Variants in USP29 observed in about 807,000 individuals in gnomAD.
USP29 encodes ubiquitin specific peptidase 29.
For synonymous variants in USP29, 386 were observed against 387.4 expected (o/e 1.00, Z 0.04); for missense variants, 1,102 against 1,069.0 (o/e 1.03, Z -0.43).
rs1287385788 is a variant in USP29 at position 57,128,923 on chromosome 19, T to G, written c.248T>G (p.Phe83Cys). Residue 83 changes from phenylalanine to cysteine, a missense_variant, in exon 4 of 4, where the codon TTT becomes TGT. By Grantham distance (205) the Phe-to-Cys change is radical (BLOSUM62 -2). Coordinates refer to ENST00000254181, the MANE Select transcript of USP29 (RefSeq NM_020903.3). ...RLTLKNNVFLFIDKLSYRDAK... is the reference protein window; with the variant it reads ...RLTLKNNVFLCIDKLSYRDAK... ...ACTTTGAAAAACAACGTGTTCTTGT[T>G]TATTGACAAATTATCCTACAGAGAT... The G allele has an allele frequency of 5.0e-6, 8 of 1,613,796 alleles. No individual in the cohort carries two copies. Among genetic ancestry groups the G allele is most frequent in the African/African-American group, 1.3e-5 (1 of 74,928 alleles).
At chr19:57,126,015 C>T (rs1276730242) in intron 3 of USP29, among the ~76,000 whole-genome samples, 1 of 152,058 alleles carries the variant, frequency 6.6e-6, no homozygotes, top group Non-Finnish European at 1.5e-5. Flanking sequence ...TTTTTCTTCG[C>T]TTATGAAGCT....
At chr19:57,122,924 G>A (rs1463117953) in intron 2 of USP29, among the ~76,000 whole-genome samples, 6 of 152,140 alleles carry the variant, frequency 3.9e-5, no homozygotes. Flanking sequence ...GCAACAGGAT[G>A]AAATGGAGGG....
upstream of USP29, among the ~76,000 whole-genome samples, chr19:57,119,750 C>T (rs974860076): frequency 3.5e-4 from 54 of 152,186 alleles, no homozygotes; most frequent in African/African-American, 1.2e-3. Context: ...CAATTCCCGG[C>T]GTGGTTTCTA....
rs1477254187 is a variant in USP29, at chr19:57,129,552, A to G, written c.877A>G (p.Thr293Ala). 1 of 1,614,186 alleles carries G rather than the reference A, an allele frequency of 6.2e-7. No individual in the cohort carries two copies. Among genetic ancestry groups the G allele is most frequent in the East Asian group, 2.2e-5 (1 of 44,882 alleles). The change falls in exon 4 of 4, where the codon ACC becomes GCC. Residue 293 changes from threonine (T) to alanine (A), a missense_variant. By Grantham distance (58) the Thr-to-Ala change is moderately conservative. Transcript: ENST00000254181. ...LQQGFPNLGNTCYMNAVLQSL... is the reference protein window; with the variant it reads ...LQQGFPNLGNACYMNAVLQSL... ...GCAGGGGTTCCCCAATTTGGGAAAC[A>G]CCTGTTACATGAATGCAGTTTTACA...
intron 3 of USP29, among the ~76,000 whole-genome samples, chr19:57,127,903 C>T (rs1331596959): frequency 6.6e-6 from 1 of 152,184 alleles, no homozygotes; most frequent in African/African-American, 2.4e-5. Context: ...ACCCAGGGCC[C>T]TGGTGGTGTA....
intron 3 of USP29, among the ~76,000 whole-genome samples, chr19:57,126,104 G>A (rs1599916319): frequency 6.6e-6 from 1 of 152,202 alleles, no homozygotes; most frequent in South Asian, 2.1e-4. Context: ...CTTCTGGCTT[G>A]TAGGGTTTCT....
In USP29 at chr19:57,131,436, C is replaced by G. The variant is rs753192243; in HGVS notation, c.2761C>G (p.Pro921Ala). Residue 921 changes from proline to alanine, a missense_variant, in exon 4 of 4, where the codon CCT (proline) becomes GCT (alanine). Coordinates refer to ENST00000254181, the MANE Select transcript of USP29 (RefSeq NM_020903.3). ...GEYEGDSLYR[P>A]A ...ATACGAAGGTGACTCTTTGTACAGACCTGCTTGACAGACTCACTCGGCCTC... is the reference window on the plus strand; with the variant it reads ...ATACGAAGGTGACTCTTTGTACAGAGCTGCTTGACAGACTCACTCGGCCTC... 4 of 1,603,662 alleles carry G rather than the reference C, an allele frequency of 2.5e-6. No homozygotes were observed. The East Asian group carries it at 6.7e-5, about 27-fold the overall frequency.
At chr19:57,121,573 AC>A (rs2086797128) in intron 1 of USP29, among the ~76,000 whole-genome samples, 1 of 146,142 alleles carries the variant, frequency 6.8e-6, no homozygotes, top group Non-Finnish European at 1.5e-5. Flanking sequence ...TTATATATAT[AC>A]TTATATGTAT....
intron 1 of USP29, among the ~76,000 whole-genome samples, chr19:57,121,576 TA>T (rs2086797170): frequency 6.8e-6 from 1 of 146,582 alleles, no homozygotes; most frequent in Non-Finnish European, 1.5e-5. Flanking sequence ...TATATATACT[TA>T]TATGTATGTT....
chr19:57,130,584 G>A lies in USP29; in HGVS notation c.1909G>A (p.Asp637Asn). The change falls in exon 4 of 4, where the codon GAT (aspartate) becomes AAT (asparagine). Residue 637 changes from aspartate to asparagine, a missense_variant. Coordinates refer to ENST00000254181, the MANE Select transcript of USP29 (RefSeq NM_020903.3). ...ALESELVHFRDRAIGEKELPV... is the reference protein window; with the variant it reads ...ALESELVHFRNRAIGEKELPV... ...AGAGTCAGAATTGGTCCACTTTAGA[G>A]ATAGGGCAATCGGTGAAAAGGAGCT... 6.2e-7 allele frequency: 1 copy of A among 1,614,164 alleles called. No homozygotes were observed. The highest frequency in any genetic ancestry group is 1.1e-5 in the South Asian group (1 of 91,074).
intron 3 of USP29, among the ~76,000 whole-genome samples, chr19:57,125,760 T>C (rs1190158700): frequency 6.6e-6 from 1 of 152,138 alleles, no homozygotes; most frequent in Non-Finnish European, 1.5e-5. Context: ...TTTAGCCCAT[T>C]TACATTTAAG....
intron 2 of USP29, among the ~76,000 whole-genome samples, chr19:57,122,952 A>G (rs1420324879): frequency 6.6e-6 from 1 of 152,172 alleles, no homozygotes; most frequent in Non-Finnish European, 1.5e-5. Flanking sequence ...TTCACACTCT[A>G]TATATTATGT....
upstream of USP29, chr19:57,119,894 T>A (rs2086784461): frequency 6.6e-6 from 1 of 152,294 alleles, no homozygotes; most frequent in Non-Finnish European, 1.5e-5. Flanking sequence ...AGGAACTCTA[T>A]GTGCCCCGGC....
At chr19:57,125,393 G>A (rs1002823062) in intron 3 of USP29, among the ~76,000 whole-genome samples, 1 of 152,110 alleles carries the variant, frequency 6.6e-6, no homozygotes, top group Non-Finnish European at 1.5e-5. Context: ...TATTGTGTGG[G>A]AGTCTAAGCC....
rs764973830 is a variant in USP29 at position 57,130,490 on chromosome 19, A to G, written c.1815A>G (p.Arg605=). Residue 605 remains arginine (R), a synonymous_variant, in exon 4 of 4, where the codon AGA becomes AGG. Coordinates refer to ENST00000254181, the MANE Select transcript of USP29 (RefSeq NM_020903.3). ...VEPDKNADLQ[R]FQRDCGDASQ... is the part of the protein sequence containing the mutation. ...CAGACAAGAATGCCGACCTACAAAGATTCCAGAGAGACTGTGGAGATGCAA... is the reference window on the plus strand; with the variant it reads ...CAGACAAGAATGCCGACCTACAAAGGTTCCAGAGAGACTGTGGAGATGCAA... 3.7e-6 allele frequency: 6 copies of G among 1,614,070 alleles called. No homozygotes were observed. The highest frequency in any genetic ancestry group is 5.1e-6 in the Non-Finnish European group (6 of 1,180,036).
At chr19:57,121,952 AATAGATAG>A (rs35338518) in intron 1 of USP29, among the ~76,000 whole-genome samples, 14 of 149,074 alleles carry the variant, frequency 9.4e-5, no homozygotes, top group East Asian at 4.0e-4. Flanking sequence ...TCTATTAAAA[AATAGATAG>A]ATAGATAGAT....
At chr19:57,127,847 A>G (rs2086831612) in intron 3 of USP29, among the ~76,000 whole-genome samples, 1 of 152,092 alleles carries the variant, frequency 6.6e-6, no homozygotes, top group East Asian at 1.9e-4. Context: ...AACTCTTGCA[A>G]CTAGCTCGGT....
At chr19:57,120,804 A>AAAAAAAAAAC in intron 1 of USP29, among the ~76,000 whole-genome samples, 4 of 148,380 alleles carry the variant, frequency 2.7e-5, no homozygotes, top group Non-Finnish European at 4.5e-5. Flanking sequence ...AAAAAAAAAA[A>AAAAAAAAAAC]AAAAAAAAAC....
intron 3 of USP29, among the ~76,000 whole-genome samples, chr19:57,126,438 TGGA>T (rs2086824852): frequency 6.6e-6 from 1 of 152,164 alleles, no homozygotes; most frequent in African/African-American, 2.4e-5. Flanking sequence ...CCATGTTTCT[TGGA>T]GCCTTTGTTC....
Sources: gnomAD v4.1 joint callset for allele counts (sites outside exome capture counted in the v4.1 genomes callset) on GRCh38, gnomAD v4.1.1 for gene constraint, MANE v1.5 for transcripts, NCBI Gene and HGNC (gene_info 2026-07-23, HGNC 2026-07-21) for gene names.